SAG: variants seen among roughly 807,000 people sequenced by gnomAD.
SAG encodes S-antigen visual arrestin.
Under a neutral mutation model 55.0 loss-of-function variants are expected in SAG, and 45 were observed. That is an observed-to-expected ratio of 0.82 (90% confidence interval 0.64 to 1.05). The LOEUF (loss-of-function observed/expected upper bound fraction) is 1.05. Among genes scored for constraint, SAG ranks in the 50% least tolerant of loss-of-function variants. The pLI is 0.00. For missense variants in SAG, 455 were observed against 512.1 expected, an observed-to-expected ratio of 0.89 and a Z score of 1.08; for synonymous variants, 189 against 197.4, an observed-to-expected ratio of 0.96 and a Z score of 0.36.
At chr2:233,334,839 C>T in intron 10 of SAG, 123 bp from the exon 11 acceptor site, 1 of 1,179,982 alleles carries the variant, frequency 8.5e-7, no homozygotes, top group South Asian at 1.4e-5. Context: ...GCTCTTGAAC[C>T]CACCTTCCCA....
rs1006983168 is a variant in SAG at position 233,335,249 on chromosome 2, C to T, written c.944+150C>T. ...TGTGGAGTGCATATCTACGGGCCCA[C>T]ACAAGGATCCCACTCTCACCCCTGG... On this transcript the variant is annotated intron_variant, in intron 11 of 15. Transcript: ENST00000409110. The T allele has an allele frequency of 1.5e-5, 16 of 1,066,770 alleles. No individual in the cohort carries two copies. The African/African-American group carries it at 2.6e-4, about 17-fold the overall frequency. 66.1% of individuals were successfully genotyped at this position (1,066,770 alleles called of 1,614,324 possible). A position where few individuals can be genotyped will look rare whatever the true frequency, so the allele number is the denominator to read the frequency against.
chr2:233,313,226 AT>A lies in SAG; in HGVS notation c.76-2846del, dbSNP rs558119374. 2.0e-5 allele frequency among the ~76,000 whole-genome samples: 3 copies of A among 152,172 alleles called. No individual in the cohort carries two copies. The East Asian group carries it at 5.8e-4, about 29-fold the overall frequency. The stretch of plus-strand genomic sequence containing the variant: ...AGGTGTCCCCTGAAGCGTGGGTAGG[AT>A]TTCCCCCAGGTGAAAGTGCAGCAGA... On this transcript the variant is annotated intron_variant, in intron 2 of 15. Transcript: ENST00000409110.
chr2:233,327,166 A>G lies in SAG; in HGVS notation c.481A>G (p.Thr161Ala). 1 of 1,613,830 alleles carries G rather than the reference A, an allele frequency of 6.2e-7. No individual in the cohort carries two copies. Among genetic ancestry groups the G allele is most frequent in the Non-Finnish European group, 8.5e-7 (1 of 1,179,796 alleles). The change falls in exon 7 of 16, where the codon ACC becomes GCC. Residue 161 changes from threonine (T) to alanine (A), a missense_variant. Transcript: ENST00000409110. ...GGTCAAAGCATTCGCCACAGACAGC[A>G]CCGATGCCGAAGAGGACAAAATCCC... is the stretch of plus-strand genomic sequence containing the variant. ...FEVKAFATDSTDAEEDKIPKK... is the reference protein window; with the variant it reads ...FEVKAFATDSADAEEDKIPKK...
intron 7 of SAG, 60 bp downstream of exon 7, chr2:233,327,257 A>G (rs930374476): frequency 2.2e-5 from 30 of 1,366,930 alleles, no homozygotes; most frequent in Non-Finnish European, 1.0e-6. Context: ...AGAAGAGACG[A>G]CCTCCACCTT....
At chr2:233,338,076 G>A (rs1224328192) in intron 11 of SAG, among the ~76,000 whole-genome samples, 1 of 152,220 alleles carries the variant, frequency 6.6e-6, no homozygotes, top group East Asian at 1.9e-4. Flanking sequence ...GTCTGATGCT[G>A]GGTGCTGGGG....
At chr2:233,339,674 G>C (rs1336215963) in intron 12 of SAG, among the ~76,000 whole-genome samples, 1 of 142,296 alleles carries the variant, frequency 7.0e-6, no homozygotes, top group African/African-American at 2.7e-5. Context: ...GAATGTTAGG[G>C]CTTGACTTTT....
At position 233,319,705 on chromosome 2, in the gene SAG, A is replaced by C. The variant is rs1352583946; in HGVS notation, c.181+910A>C. ...CATCTGGTTTGAGCCCCGAAAGCCC[A>C]AGTCCTTGACCAGAGAAGGGCGCCT... On this transcript the variant is annotated intron_variant, in intron 4 of 15. Transcript: ENST00000409110. The surrounding 1 kb of genome is among the most constrained non-coding windows in gnomAD (Gnocchi z 4.4). 1.0e-6 allele frequency: 1 copy of C among 985,630 alleles called. No homozygotes were observed. The highest frequency in any genetic ancestry group is 6.1e-5 in the Admixed American group (1 of 16,284). 61.1% of individuals were successfully genotyped at this position (985,630 alleles called of 1,614,324 possible).
chr2:233,320,106 G>A, intron 4 of SAG: 1 of 532,574 alleles, frequency 1.9e-6, no homozygotes, highest in Non-Finnish European at 2.4e-6. Flanking sequence ...AAGGAGGCTG[G>A]AACTTGAGCC....
At chr2:233,333,271 C>T (rs1010864744) in intron 10 of SAG, 2 of 152,260 alleles carry the variant, frequency 1.3e-5, no homozygotes, top group African/African-American at 4.8e-5. Flanking sequence ...TCCCTGTGCC[C>T]TGGAGGGGTC....
intron 11 of SAG, among the ~76,000 whole-genome samples, chr2:233,336,877 C>T (rs1453154547): frequency 2.0e-5 from 3 of 152,154 alleles, no homozygotes; most frequent in African/African-American, 7.2e-5. Context: ...GGGCGAATCG[C>T]TTGAGCCCAG....
chr2:233,343,656 G>A (rs1277486176), intron 14 of SAG: 1 of 1,260,172 alleles, frequency 7.9e-7, no homozygotes, highest in African/African-American at 1.6e-5. Context: ...AAATAATATA[G>A]GTGAAATCTC....
intron 2 of SAG, among the ~76,000 whole-genome samples, chr2:233,310,380 T>C (rs2125318875): frequency 6.6e-6 from 1 of 152,320 alleles, no homozygotes; most frequent in African/African-American, 2.4e-5. Context: ...ATAAGAATTA[T>C]TGAAATCTGA....
chr2:233,315,669 G>T (rs977346383), intron 2 of SAG, among the ~76,000 whole-genome samples: 26 of 151,110 alleles, frequency 1.7e-4, no homozygotes, highest in Non-Finnish European at 3.7e-4. Context: ...CATGCAAATG[G>T]ATGGCAAAAG....
intron 2 of SAG, among the ~76,000 whole-genome samples, chr2:233,311,975 A>C (rs1421836850): frequency 6.6e-6 from 1 of 151,948 alleles, no homozygotes; most frequent in East Asian, 1.9e-4. Flanking sequence ...AAAATACAAA[A>C]ATTAGCCGGG....
chr2:233,310,834 T>C (rs866172970), intron 2 of SAG, among the ~76,000 whole-genome samples: 1 of 152,124 alleles, frequency 6.6e-6, no homozygotes, highest in African/African-American at 2.4e-5. Context: ...GAACCCGGTA[T>C]GGGGTCCAAA....
intron 7 of SAG, 102 bp from the exon 8 acceptor site, chr2:233,328,376 G>A: frequency 3.6e-6 from 5 of 1,388,310 alleles, no homozygotes; most frequent in Non-Finnish European, 5.0e-6. Context: ...TCCATGGGGA[G>A]CATTCCTGGA....
At chr2:233,315,864 A>G (rs939481286) in intron 2 of SAG, among the ~76,000 whole-genome samples, 1 of 151,504 alleles carries the variant, frequency 6.6e-6, no homozygotes. Flanking sequence ...CACCACGCCC[A>G]GCTAATTTTT....
At chr2:233,342,354 T>G (rs1701131092) in intron 14 of SAG, 28 bp downstream of exon 14, 5 of 1,553,314 alleles carry the variant, frequency 3.2e-6, no homozygotes, top group Non-Finnish European at 3.5e-6. Flanking sequence ...TTAGCTTTCT[T>G]TAATTATTTG....
In SAG at chr2:233,319,315, A is replaced by G. The variant is rs1700309641; in HGVS notation, c.181+520A>G. 6.6e-6 allele frequency among the ~76,000 whole-genome samples: 1 copy of G among 151,974 alleles called. No homozygotes were observed. Among genetic ancestry groups the G allele is most frequent in the African/African-American group, 2.4e-5 (1 of 41,352 alleles). ...TGGGGGCAGGGGGAGTAAGACCCAGAATTTATTATGGTGCTTACTTCGATG... is the reference window on the plus strand; with the variant it reads ...TGGGGGCAGGGGGAGTAAGACCCAGGATTTATTATGGTGCTTACTTCGATG... On this transcript the variant is annotated intron_variant, in intron 4 of 15. Coordinates refer to ENST00000409110, the MANE Select transcript of SAG (RefSeq NM_000541.5). The surrounding 1 kb of genome is among the most constrained non-coding windows in gnomAD (Gnocchi z 4.4).
Sources: gnomAD v4.1 joint callset for allele counts (sites outside exome capture counted in the v4.1 genomes callset) on GRCh38, gnomAD v4.1.1 for gene constraint, Gnocchi (gnomAD v3.1) non-coding constraint, MANE v1.5 for transcripts, NCBI Gene and HGNC (gene_info 2026-07-23, HGNC 2026-07-21) for gene names.